The following PCSK6 variants were observed in gnomAD, a reference collection of about 807,000 sequenced individuals.
PCSK6 encodes the protein paired basic amino acid cleaving enzyme 4.
Under a neutral mutation model 123.3 loss-of-function variants are expected in PCSK6, and 85 were observed. The ratio of observed to expected loss-of-function variants is 0.69; its 90% CI spans 0.58 to 0.83. The LOEUF is 0.83. PCSK6 is among the 40% of genes least tolerant of loss of function. The pLI is 0.00. For synonymous variants in PCSK6, 508 were observed against 516.0 expected, an observed-to-expected ratio of 0.98 and a Z score of 0.21; for missense variants, 1,191 against 1,282.3, an observed-to-expected ratio of 0.93 and a Z score of 1.09.
intron 11 of PCSK6, among the ~76,000 whole-genome samples, chr15:101,371,560 C>T (rs185508054): frequency 6.6e-6 from 1 of 152,352 alleles, no homozygotes; most frequent in Non-Finnish European, 1.5e-5. Flanking sequence ...ATTTCCCAAG[C>T]TGACTGTGCA....
At chr15:101,342,719 T>A (rs1282302680) in intron 13 of PCSK6, among the ~76,000 whole-genome samples, 1 of 152,196 alleles carries the variant, frequency 6.6e-6, no homozygotes, top group African/African-American at 2.4e-5. Context: ...CTGGCCAACA[T>A]GGCAAAACCC....
In PCSK6 at chr15:101,326,410, A is replaced by T. The variant is rs369165891; in HGVS notation, c.2147T>A (p.Val716Asp). ...CTTGACACTCCCCAGGCTGAAGTGG[A>T]CGCAGTTCAAGCACTGGTCTGCATT... ...GPNADQCLNC[V>D]HFSLGSVKTS... Residue 716 changes from valine (V) to aspartate (D), a missense_variant, in exon 16 of 22, where the codon GTC (valine) becomes GAC (aspartate). Val to Asp is a radical substitution (Grantham distance 152). Transcript: ENST00000611716. 3 of 1,582,412 alleles carry T rather than the reference A, an allele frequency of 1.9e-6. No homozygotes were observed. Among genetic ancestry groups the T allele is most frequent in the Non-Finnish European group, 2.6e-6 (3 of 1,164,022 alleles).
In PCSK6 at chr15:101,313,225, C is replaced by G. The variant is rs1363063473; in HGVS notation, c.2699+151G>C. ...TCCAGTGAACAAAGGGACGAAGGCC[C>G]CTCAGCAGCTCTGTAAATGGGCTCC... is the stretch of plus-strand genomic sequence containing the variant. On this transcript the variant is annotated intron_variant, in intron 20 of 21. Transcript: ENST00000611716. The G allele has an allele frequency of 2.6e-6, 4 of 1,547,548 alleles. No individual in the cohort carries two copies. The African/African-American group carries it at 5.5e-5, about 21-fold the overall frequency.
intron 6 of PCSK6, among the ~76,000 whole-genome samples, chr15:101,408,681 C>T (rs1257032917): frequency 6.6e-6 from 1 of 152,192 alleles, no homozygotes; most frequent in African/African-American, 2.4e-5. Context: ...CCCCCCAGTG[C>T]ATTTAAAATC....
intron 6 of PCSK6, among the ~76,000 whole-genome samples, chr15:101,399,450 T>C (rs2042521114): frequency 6.6e-6 from 1 of 152,112 alleles, no homozygotes; most frequent in Non-Finnish European, 1.5e-5. Context: ...TGGAGGGGTC[T>C]TTAGAGGTGG....
intron 1 of PCSK6, among the ~76,000 whole-genome samples, chr15:101,472,043 C>A (rs544970811): frequency 1.4e-5 from 2 of 148,088 alleles, no homozygotes; most frequent in East Asian, 3.9e-4. Context: ...TAAAAAAAAG[C>A]TAAATGACCC....
intron 1 of PCSK6, among the ~76,000 whole-genome samples, chr15:101,468,480 C>T (rs2057520692): frequency 6.6e-6 from 1 of 152,198 alleles, no homozygotes; most frequent in African/African-American, 2.4e-5. Context: ...TGCAAACTCT[C>T]CATTTCCAGC....
chr15:101,451,557 C>CA (rs145380583), intron 1 of PCSK6, among the ~76,000 whole-genome samples: 6,783 of 150,412 alleles, frequency 0.045, 488 homozygotes, highest in African/African-American at 0.16. Flanking sequence ...TCTGACTTTG[C>CA]AAAAAAAAAC....
intron 12 of PCSK6, among the ~76,000 whole-genome samples, chr15:101,368,350 C>T (rs1177246894): frequency 4.6e-5 from 7 of 152,168 alleles, no homozygotes; most frequent in Non-Finnish European, 7.4e-5. Flanking sequence ...AAGCAGGACA[C>T]GTAGGGCAAC....
chr15:101,453,511 G>A (rs1236837931), intron 1 of PCSK6, among the ~76,000 whole-genome samples: 2 of 152,238 alleles, frequency 1.3e-5, no homozygotes, highest in Non-Finnish European at 2.9e-5. Flanking sequence ...AGGTGAGCCT[G>A]CGGAGGCTCC....
At chr15:101,422,080 C>CAT (rs368574714) in intron 6 of PCSK6, among the ~76,000 whole-genome samples, 428 of 152,326 alleles carry the variant, frequency 2.8e-3, no homozygotes, top group African/African-American at 9.3e-3. Flanking sequence ...TCCAAGTTGA[C>CAT]ATGACTTTTC....
chr15:101,432,066 C>T lies in PCSK6; in HGVS notation c.437G>A (p.Arg146Lys). Residue 146 changes from arginine to lysine, a missense_variant, in exon 3 of 22, where the codon AGG becomes AAG. Physicochemically the swap from Arg to Lys is conservative, Grantham distance 26. Coordinates refer to ENST00000611716, the MANE Select transcript of PCSK6 (RefSeq NM_002570.5). ...GTCACTTCGCACCTGTCTCTTCACCCTTCGTTTCACTTCCTGTTGCTGGAG... is the reference window on the plus strand; with the variant it reads ...GTCACTTCGCACCTGTCTCTTCACCTTTCGTTTCACTTCCTGTTGCTGGAG... ...KWLQQQEVKR[R>K]VKRQVRSDPQ... 1 of 1,613,658 alleles carries T rather than the reference C, an allele frequency of 6.2e-7. No individual in the cohort carries two copies. The highest frequency in any genetic ancestry group is 8.5e-7 in the Non-Finnish European group (1 of 1,179,780).
intron 15 of PCSK6, among the ~76,000 whole-genome samples, chr15:101,328,895 T>C (rs1249267748): frequency 6.6e-6 from 1 of 152,244 alleles, no homozygotes; most frequent in Non-Finnish European, 1.5e-5. Context: ...TAAATCCACC[T>C]TGCTGTCCAC....
At chr15:101,358,236 A>G (rs1567162686) in intron 13 of PCSK6, among the ~76,000 whole-genome samples, 1 of 152,178 alleles carries the variant, frequency 6.6e-6, no homozygotes, top group African/African-American at 2.4e-5. Flanking sequence ...TTCATTCTAC[A>G]AAAGGACAGC....
At chr15:101,362,348 C>T (rs980123809) in intron 13 of PCSK6, among the ~76,000 whole-genome samples, 3 of 152,206 alleles carry the variant, frequency 2.0e-5, no homozygotes, top group African/African-American at 7.2e-5. Context: ...GACCCATGCC[C>T]AGAAGCAGGA....
At chr15:101,367,567 G>A (rs908887286) in intron 12 of PCSK6, among the ~76,000 whole-genome samples, 1 of 152,214 alleles carries the variant, frequency 6.6e-6, no homozygotes, top group African/African-American at 2.4e-5. Context: ...TCGATGCCAA[G>A]CTGAACCCAA....
chr15:101,366,700 A>G (rs2141454928), intron 12 of PCSK6, among the ~76,000 whole-genome samples: 1 of 152,284 alleles, frequency 6.6e-6, no homozygotes, highest in South Asian at 2.1e-4. Context: ...ACCCAGCAAC[A>G]ATCTTACAGA....
chr15:101,328,904 A>C (rs1284362879), intron 15 of PCSK6, among the ~76,000 whole-genome samples: 1 of 152,214 alleles, frequency 6.6e-6, no homozygotes, highest in Non-Finnish European at 1.5e-5. Flanking sequence ...CTTGCTGTCC[A>C]CGTGGTCCCA....
intron 6 of PCSK6, among the ~76,000 whole-genome samples, chr15:101,404,170 T>C (rs1215026408): frequency 6.6e-6 from 1 of 152,310 alleles, no homozygotes; most frequent in Middle Eastern, 3.4e-3. Flanking sequence ...TTAATTTTAA[T>C]AGAGCAAGAG....
Sources: gnomAD v4.1 joint callset for allele counts (sites outside exome capture counted in the v4.1 genomes callset) on GRCh38, gnomAD v4.1.1 for gene constraint, MANE v1.5 for transcripts, NCBI Gene and HGNC (gene_info 2026-07-23, HGNC 2026-07-21) for gene names.